DNM3: variants seen among roughly 807,000 people sequenced by gnomAD.
DNM3 encodes dynamin-3.
DNM3 carries 47 observed loss-of-function variants against 101.6 expected under a neutral mutation model. That is an observed-to-expected ratio of 0.46 (90% CI 0.37 to 0.59). The LOEUF (loss-of-function observed/expected upper bound fraction) is 0.59, where lower values mean the gene tolerates loss of function less well. Among genes scored for constraint, DNM3 ranks in the 20% least tolerant of loss-of-function variants. DNM3 has a pLI of 0.00. For missense variants in DNM3, 849 were observed against 1,085.7 expected, an observed-to-expected ratio of 0.78 and a Z score of 3.06; for synonymous variants, 385 against 387.9, an observed-to-expected ratio of 0.99 and a Z score of 0.09.
chr1:172,138,637 G>T, intron 14 of DNM3: 1 of 215,148 alleles, frequency 4.6e-6, no homozygotes. Flanking sequence ...CTTTACTTTT[G>T]GTGGGTTTTA....
At chr1:172,046,701 C>G (rs745329036) in intron 9 of DNM3, among the ~76,000 whole-genome samples, 22 of 152,088 alleles carry the variant, frequency 1.4e-4, no homozygotes, top group Non-Finnish European at 2.6e-4. Flanking sequence ...CTTTTACCAT[C>G]GATAGGATTT....
At chr1:172,077,106 G>A (rs1030303928) in intron 11 of DNM3, among the ~76,000 whole-genome samples, 1 of 152,070 alleles carries the variant, frequency 6.6e-6, no homozygotes, top group African/African-American at 2.4e-5. Context: ...TTTGCATAGA[G>A]GTGTTTATAG....
intron 12 of DNM3, among the ~76,000 whole-genome samples, chr1:172,085,393 G>T (rs755237734): frequency 1.4e-4 from 21 of 152,042 alleles, no homozygotes; most frequent in Non-Finnish European, 2.8e-4. Flanking sequence ...AGGCAATCTT[G>T]TTAGTGGAAT....
At chr1:172,117,044 A>G (rs575197829) in intron 13 of DNM3, among the ~76,000 whole-genome samples, 2 of 152,168 alleles carry the variant, frequency 1.3e-5, no homozygotes, top group South Asian at 2.1e-4. Context: ...TGTCTCTACT[A>G]AAAATACAAA....
chr1:171,898,779 ATTTT>A (rs566343135), intron 1 of DNM3, among the ~76,000 whole-genome samples: 1 of 149,664 alleles, frequency 6.7e-6, no homozygotes, highest in Admixed American at 6.7e-5. Flanking sequence ...TAGAGAGTGA[ATTTT>A]TTTTTTCATA....
At chr1:171,884,210 T>G (rs531201245) in intron 1 of DNM3, among the ~76,000 whole-genome samples, 1 of 152,344 alleles carries the variant, frequency 6.6e-6, no homozygotes, top group Non-Finnish European at 1.5e-5. Flanking sequence ...TTGGTTCTGG[T>G]GTTCTCTTTG....
chr1:171,920,256 C>T (rs1216616742), intron 1 of DNM3, among the ~76,000 whole-genome samples: 2 of 152,294 alleles, frequency 1.3e-5, no homozygotes, highest in East Asian at 3.9e-4. Flanking sequence ...TGTCCTTTGC[C>T]TATTTTATAA....
chr1:172,033,172 G>A lies in DNM3; in HGVS notation c.756G>A (p.Met252Ile), dbSNP rs760850940. ...GGAAGAAGGACATAAAGGCAGCCATGCTGGCAGAGAGGAAGTTTTTCCTTT... is the reference window on the plus strand; with the variant it reads ...GGAAGAAGGACATAAAGGCAGCCATACTGGCAGAGAGGAAGTTTTTCCTTT... Reference protein sequence around the residue: ...IDGKKDIKAAMLAERKFFLSH... With the variant: ...IDGKKDIKAAILAERKFFLSH... The change falls in exon 6 of 21, where the codon ATG becomes ATA. Residue 252 changes from methionine to isoleucine, a missense_variant. By Grantham distance (10) the Met-to-Ile change is conservative. Coordinates refer to ENST00000627582, the MANE Select transcript of DNM3 (RefSeq NM_015569.5). The A allele has an allele frequency of 3.1e-6, 5 of 1,611,582 alleles. No individual in the cohort carries two copies. Among genetic ancestry groups the A allele is most frequent in the Non-Finnish European group, 3.4e-6 (4 of 1,178,896 alleles).
At chr1:172,159,590 G>T (rs1319367157) in intron 14 of DNM3, among the ~76,000 whole-genome samples, 1 of 152,082 alleles carries the variant, frequency 6.6e-6, no homozygotes. Context: ...AGGATAGAAT[G>T]TTAGGAAACT....
At chr1:172,216,466 T>A (rs565395133) in intron 14 of DNM3, among the ~76,000 whole-genome samples, 1 of 152,226 alleles carries the variant, frequency 6.6e-6, no homozygotes, top group South Asian at 2.1e-4. Context: ...GGCTTCGTCA[T>A]TTGTGATGGA....
intron 15 of DNM3, among the ~76,000 whole-genome samples, chr1:172,297,014 G>GTA (rs2064195646): frequency 6.6e-6 from 1 of 151,980 alleles, no homozygotes; most frequent in Admixed American, 6.6e-5. Context: ...CTTGTGGCAT[G>GTA]TTCCTGTAAT....
chr1:172,233,740 G>A lies in DNM3; in HGVS notation c.1660-19833G>A, dbSNP rs1001440478. On this transcript the variant is annotated intron_variant, in intron 14 of 20. Coordinates refer to ENST00000627582, the MANE Select transcript of DNM3 (RefSeq NM_015569.5). ...GGGATGCAAGGCTGGTTCAACATAT[G>A]CAAATCAATAAATGTAATCCAGCAT... is the stretch of plus-strand genomic sequence containing the variant. 4.6e-5 allele frequency among the ~76,000 whole-genome samples: 7 copies of A among 152,150 alleles called. No homozygotes were observed. The East Asian group carries it at 5.8e-4, about 13-fold the overall frequency.
intron 2 of DNM3, among the ~76,000 whole-genome samples, chr1:171,979,798 A>G (rs1470147758): frequency 6.6e-6 from 1 of 152,136 alleles, no homozygotes; most frequent in East Asian, 1.9e-4. Context: ...ATTAATATTA[A>G]TCTCTCTTGA....
At chr1:171,880,720 G>T (rs1016883574) in intron 1 of DNM3, among the ~76,000 whole-genome samples, 5 of 151,926 alleles carry the variant, frequency 3.3e-5, no homozygotes, top group Non-Finnish European at 7.4e-5. Flanking sequence ...TGTCTAGGAT[G>T]GTCTAAGAGA....
chr1:172,293,236 G>C (rs1013580406), intron 15 of DNM3, among the ~76,000 whole-genome samples: 17 of 152,222 alleles, frequency 1.1e-4, no homozygotes, highest in Admixed American at 1.0e-3. Flanking sequence ...TTGAACAGCT[G>C]ACATAGGTAA....
intron 1 of DNM3, among the ~76,000 whole-genome samples, chr1:171,843,925 T>A (rs2031671377): frequency 6.6e-6 from 1 of 152,182 alleles, no homozygotes; most frequent in African/African-American, 2.4e-5. Context: ...TACCACTAAT[T>A]GACTGTTAGA....
intron 4 of DNM3, among the ~76,000 whole-genome samples, chr1:172,007,840 A>G (rs2046799833): frequency 6.6e-6 from 1 of 152,130 alleles, no homozygotes; most frequent in South Asian, 2.1e-4. Context: ...ATCATGGCTC[A>G]CTGCAGCCTC....
chr1:172,188,648 A>G (rs185535094), intron 14 of DNM3, among the ~76,000 whole-genome samples: 3 of 152,200 alleles, frequency 2.0e-5, no homozygotes, highest in African/African-American at 7.2e-5. Context: ...ATTTATATGC[A>G]TGTGTTTGTG....
intron 15 of DNM3, among the ~76,000 whole-genome samples, chr1:172,259,595 A>G (rs2062559824): frequency 6.6e-6 from 1 of 152,140 alleles, no homozygotes. Context: ...TTTACATGGA[A>G]CATCTTTTTC....
Sources: gnomAD v4.1 joint callset for allele counts (sites outside exome capture counted in the v4.1 genomes callset) on GRCh38, gnomAD v4.1.1 for gene constraint, MANE v1.5 for transcripts, NCBI Gene and HGNC (gene_info 2026-07-23, HGNC 2026-07-21) for gene names.